WDR70: variants seen among roughly 807,000 people sequenced by gnomAD.
The protein encoded by WDR70 is WD repeat-containing protein 70.
WDR70 carries 53 observed loss-of-function variants against 88.6 expected under a neutral mutation model. The ratio of observed to expected loss-of-function variants is 0.60; its 90% confidence interval spans 0.48 to 0.75. WDR70 has a LOEUF of 0.75. Ranked by LOEUF, WDR70 falls within the 30% of genes least tolerant of loss-of-function variation. The pLI is 0.00. For synonymous variants in WDR70, 280 were observed against 270.0 expected (o/e 1.04, Z -0.36); for missense variants, 610 against 823.2 (o/e 0.74, Z 3.17).
intron 10 of WDR70, among the ~76,000 whole-genome samples, chr5:37,624,589 G>A (rs1469895022): frequency 6.6e-6 from 1 of 152,088 alleles, no homozygotes; most frequent in African/African-American, 2.4e-5. Flanking sequence ...GTCCCCTGAT[G>A]TTTTGCTGAA....
At chr5:37,421,310 C>G (rs138602600) in intron 5 of WDR70, among the ~76,000 whole-genome samples, 39 of 152,276 alleles carry the variant, frequency 2.6e-4, no homozygotes, top group African/African-American at 9.4e-4. Context: ...AAACTGTGAA[C>G]AGTCTTTGGT....
intron 5 of WDR70, among the ~76,000 whole-genome samples, chr5:37,418,122 A>G (rs1197919955): frequency 6.6e-6 from 1 of 152,216 alleles, no homozygotes; most frequent in East Asian, 1.9e-4. Context: ...TGAAGTTTCT[A>G]TAAAATAATA....
chr5:37,693,169 C>G (rs1463053808), intron 10 of WDR70, among the ~76,000 whole-genome samples: 1 of 152,120 alleles, frequency 6.6e-6, no homozygotes, highest in Non-Finnish European at 1.5e-5. Context: ...TGTGAATGAC[C>G]TGTTCAAGGA....
chr5:37,463,093 G>T (rs1335259799), intron 7 of WDR70, among the ~76,000 whole-genome samples: 1 of 151,996 alleles, frequency 6.6e-6, no homozygotes, highest in Non-Finnish European at 1.5e-5. Context: ...CCAACATGGC[G>T]AAACCCCGTC....
chr5:37,597,582 G>T (rs1743740900), intron 9 of WDR70, among the ~76,000 whole-genome samples: 1 of 152,038 alleles, frequency 6.6e-6, no homozygotes, highest in Non-Finnish European at 1.5e-5. Context: ...TAGATATTCT[G>T]GATACAAGTT....
At chr5:37,562,450 T>C (rs1365401684) in intron 9 of WDR70, among the ~76,000 whole-genome samples, 1 of 151,306 alleles carries the variant, frequency 6.6e-6, no homozygotes, top group Non-Finnish European at 1.5e-5. Flanking sequence ...AATTCTCTTT[T>C]TTTTTTTTTT....
intron 8 of WDR70, among the ~76,000 whole-genome samples, chr5:37,496,304 A>C (rs996411166): frequency 6.6e-6 from 1 of 152,246 alleles, no homozygotes; most frequent in South Asian, 2.1e-4. Flanking sequence ...ACTCTTCACA[A>C]TAAATCTTGC....
At chr5:37,741,328 A>G (rs2973073) in intron 17 of WDR70, among the ~76,000 whole-genome samples, 6,363 of 151,746 alleles carry the variant, frequency 0.042, 454 homozygotes, top group African/African-American at 0.15. Context: ...TTATAAGTAT[A>G]TAGTTCATTA....
chr5:37,448,113 T>A (rs2112070384), intron 7 of WDR70, among the ~76,000 whole-genome samples: 1 of 152,344 alleles, frequency 6.6e-6, no homozygotes, highest in Non-Finnish European at 1.5e-5. Context: ...TGATCATTTC[T>A]TTTTCTTTTT....
intron 10 of WDR70, among the ~76,000 whole-genome samples, chr5:37,605,630 A>G (rs899417805): frequency 6.6e-6 from 1 of 152,168 alleles, no homozygotes; most frequent in African/African-American, 2.4e-5. Context: ...AAAAACATGA[A>G]AAGTCCAAGA....
intron 9 of WDR70, among the ~76,000 whole-genome samples, chr5:37,531,523 T>A (rs762381108): frequency 1.3e-5 from 2 of 151,950 alleles, no homozygotes; most frequent in Non-Finnish European, 2.9e-5. Flanking sequence ...GTTGGATTAG[T>A]CCTTTTTATC....
At chr5:37,527,848 C>A (rs908480153) in intron 9 of WDR70, among the ~76,000 whole-genome samples, 1 of 152,202 alleles carries the variant, frequency 6.6e-6, no homozygotes, top group Non-Finnish European at 1.5e-5. Flanking sequence ...CAAAAGAAGT[C>A]ATTTATGCAG....
Position 37,675,232 on chromosome 5 carries a change from G to A in WDR70, c.1093-22423G>A, listed in dbSNP as rs958657209. Among the ~76,000 whole-genome samples, 102 of 152,168 alleles carry A rather than the reference G, an allele frequency of 6.7e-4. 1 individual carries two copies. The highest frequency in any genetic ancestry group is 3.3e-3 in the South Asian group (16 of 4,822). The stretch of plus-strand genomic sequence containing the variant: ...TCTTTTGCTGTGCAGAAGCTCTTTA[G>A]TTTAATTAGATCCCATTTGTCAATT... On this transcript the variant is annotated intron_variant, in intron 10 of 17. Coordinates refer to ENST00000265107, the MANE Select transcript of WDR70 (RefSeq NM_018034.4).
At chr5:37,620,926 A>T (rs1198681374) in intron 10 of WDR70, among the ~76,000 whole-genome samples, 1 of 152,158 alleles carries the variant, frequency 6.6e-6, no homozygotes, top group East Asian at 1.9e-4. Flanking sequence ...TTGAATGGTG[A>T]TGGAGAGGAA....
intron 10 of WDR70, among the ~76,000 whole-genome samples, chr5:37,689,172 A>G (rs1746703868): frequency 6.6e-6 from 1 of 152,252 alleles, no homozygotes; most frequent in African/African-American, 2.4e-5. Flanking sequence ...TAGGTAAACA[A>G]AGCAGCTAGG....
chr5:37,700,289 A>C (rs766098990), intron 11 of WDR70: 11 of 152,240 alleles, frequency 7.2e-5, no homozygotes, highest in Admixed American at 3.9e-4. Flanking sequence ...AATTCGTCCT[A>C]TAGAAATATT....
At chr5:37,549,341 A>C (rs748291883) in intron 9 of WDR70, among the ~76,000 whole-genome samples, 4 of 152,122 alleles carry the variant, frequency 2.6e-5, no homozygotes, top group Non-Finnish European at 5.9e-5. Flanking sequence ...TTCATTGTAG[A>C]GATCTTTTAC....
At chr5:37,514,245 C>T (rs959335938) in intron 8 of WDR70, among the ~76,000 whole-genome samples, 6 of 148,488 alleles carry the variant, frequency 4.0e-5, no homozygotes, top group South Asian at 4.4e-4. Context: ...TCTCAAACTG[C>T]GGACCTTAAG....
chr5:37,451,059 T>G (rs1293264585), intron 7 of WDR70, among the ~76,000 whole-genome samples: 2 of 150,564 alleles, frequency 1.3e-5, no homozygotes, highest in African/African-American at 4.9e-5. Flanking sequence ...CCACCACGTC[T>G]GGCTAATTTT....
Sources: allele counts gnomAD v4.1 joint callset (sites outside exome capture counted in the v4.1 genomes callset), GRCh38; gene constraint gnomAD v4.1.1; transcripts MANE v1.5; gene names NCBI Gene and HGNC (gene_info 2026-07-23, HGNC 2026-07-21).